IKZF2: variants seen among roughly 807,000 people sequenced by gnomAD.
The protein encoded by IKZF2 is zinc finger protein Helios.
A neutral mutation model predicts 49.2 loss-of-function variants in IKZF2; 15 were observed. The ratio of observed to expected loss-of-function variants is 0.30; its 90% confidence interval spans 0.20 to 0.47. The LOEUF (loss-of-function observed/expected upper bound fraction) is 0.47, where lower values mean the gene tolerates loss of function less well. Among genes scored for constraint, IKZF2 ranks in the 20% least tolerant of loss-of-function variants. The pLI, the probability that IKZF2 is intolerant of heterozygous loss-of-function variation, is 1.00. For synonymous variants in IKZF2, 227 were observed against 221.4 expected (o/e 1.03, Z -0.23); for missense variants, 567 against 664.6 (o/e 0.85, Z 1.61).
intron 4 of IKZF2, among the ~76,000 whole-genome samples, chr2:213,099,907 T>C (rs1273417002): frequency 4.6e-5 from 7 of 152,146 alleles, no homozygotes. Flanking sequence ...ACTAGGTATA[T>C]GAGTAAAGGC....
chr2:213,143,170 G>T (rs181397042), intron 4 of IKZF2, among the ~76,000 whole-genome samples: 1 of 151,844 alleles, frequency 6.6e-6, no homozygotes, highest in Non-Finnish European at 1.5e-5. Context: ...AGAAGAGCAC[G>T]GAACCCAGAG....
chr2:213,090,238 G>C (rs1027649258), intron 4 of IKZF2, among the ~76,000 whole-genome samples: 19 of 152,146 alleles, frequency 1.2e-4, no homozygotes, highest in African/African-American at 4.6e-4. Flanking sequence ...TGGTGAAGAA[G>C]GTGAATTTAT....
At chr2:213,067,503 C>T (rs1228768609) in intron 4 of IKZF2, among the ~76,000 whole-genome samples, 4 of 151,974 alleles carry the variant, frequency 2.6e-5, no homozygotes, top group African/African-American at 9.7e-5. Flanking sequence ...GGATAATATA[C>T]AATAGAACAT....
At chr2:213,140,843 C>G (rs1297253705) in intron 4 of IKZF2, among the ~76,000 whole-genome samples, 1 of 151,928 alleles carries the variant, frequency 6.6e-6, no homozygotes, top group East Asian at 1.9e-4. Context: ...ATTACTTAGA[C>G]ATGAATGTTT....
At chr2:213,070,288 G>T (rs755141761) in intron 4 of IKZF2, among the ~76,000 whole-genome samples, 1 of 152,124 alleles carries the variant, frequency 6.6e-6, no homozygotes, top group African/African-American at 2.4e-5. Context: ...ATTATTAAGA[G>T]ATCAAGTTAA....
At chr2:213,072,292 C>CT (rs771849497) in intron 4 of IKZF2, among the ~76,000 whole-genome samples, 2,269 of 122,686 alleles carry the variant, frequency 0.018, 33 homozygotes, top group South Asian at 0.062. Flanking sequence ...GATTCCTTTC[C>CT]TTTGTTTTTT....
In IKZF2 at chr2:213,005,469, T is replaced by C. The variant is rs1426415345; in HGVS notation, c.*1891A>G. On this transcript the variant is annotated 3_prime_UTR_variant, in exon 9 of 9. Coordinates refer to ENST00000434687, the MANE Select transcript of IKZF2 (RefSeq NM_001387220.1). ...GCTTAGCTGGTGCCTACCATTTAAA[T>C]AGCAAATAGTAAGCTGGAAAATGAG... 1 of 151,988 alleles carries C rather than the reference T, an allele frequency of 6.6e-6. No individual in the cohort carries two copies. The highest frequency in any genetic ancestry group is 6.6e-5 in the Admixed American group (1 of 15,210). The allele number at this position is 151,988 out of a possible 1,614,324, so 9.4% of individuals were successfully genotyped here.
At chr2:213,099,753 T>A (rs879852445) in intron 4 of IKZF2, among the ~76,000 whole-genome samples, 11 of 152,132 alleles carry the variant, frequency 7.2e-5, no homozygotes, top group South Asian at 2.1e-4. Context: ...TCAGTGACCA[T>A]CAGCACATTT....
rs915807026 is a variant in IKZF2, at chr2:213,146,764, G to C, written c.139+944C>G. ...TTTCTTAGTTATTAAATCTTCGGGG[G>C]GGGGGAAGGAAAGAGAATGCCTTTC... is the stretch of plus-strand genomic sequence containing the variant. On this transcript the variant is annotated intron_variant, in intron 4 of 8. Transcript: ENST00000434687. Among the ~76,000 whole-genome samples, 9 of 125,596 alleles carry C rather than the reference G, an allele frequency of 7.2e-5. 1 individual carries two copies. Among genetic ancestry groups the C allele is most frequent in the African/African-American group, 2.5e-4 (9 of 36,154 alleles). The allele number at this position is 125,596 out of a possible 152,430, so 82.4% of individuals were successfully genotyped here. A position where few individuals can be genotyped will look rare whatever the true frequency, so the allele number is the denominator to read the frequency against.
At position 213,004,495 on chromosome 2, in the gene IKZF2, A is replaced by G. The variant is rs1411390235; in HGVS notation, c.*2865T>C. 1 of 151,868 alleles carries G rather than the reference A, an allele frequency of 6.6e-6. No homozygotes were observed. Among genetic ancestry groups the G allele is most frequent in the Non-Finnish European group, 1.5e-5 (1 of 67,908 alleles). The allele number at this position is 151,868 out of a possible 1,614,324, so 9.4% of individuals were successfully genotyped here. ...GAACTTTTGCCAAACTGGAAAATAC[A>G]GAAGATAACCCATTTTCATGCTCCT... On this transcript the variant is annotated 3_prime_UTR_variant, in exon 9 of 9. Coordinates refer to ENST00000434687, the MANE Select transcript of IKZF2 (RefSeq NM_001387220.1).
intron 4 of IKZF2, among the ~76,000 whole-genome samples, chr2:213,130,030 T>C (rs1226046137): frequency 6.6e-6 from 1 of 152,056 alleles, no homozygotes; most frequent in African/African-American, 2.4e-5. Context: ...TGAAGGTGAG[T>C]ACCAGATGTT....
chr2:213,000,403 T>A lies in IKZF2; in HGVS notation c.*6957A>T, dbSNP rs1378512570. 1 of 151,492 alleles carries A rather than the reference T, an allele frequency of 6.6e-6. No homozygotes were observed. Among genetic ancestry groups the A allele is most frequent in the African/African-American group, 2.4e-5 (1 of 41,300 alleles). 9.4% of individuals were successfully genotyped at this position (151,492 alleles called of 1,614,324 possible). The stretch of plus-strand genomic sequence containing the variant: ...AAATACCCTAGAAACTGTCAAGCAA[T>A]TAGTCTTTAAAATAGTCTAATTACC... On this transcript the variant is annotated 3_prime_UTR_variant, in exon 9 of 9. Coordinates refer to ENST00000434687, the MANE Select transcript of IKZF2 (RefSeq NM_001387220.1).
chr2:213,033,701 T>C (rs1698720924), intron 6 of IKZF2, among the ~76,000 whole-genome samples: 1 of 152,228 alleles, frequency 6.6e-6, no homozygotes, highest in Non-Finnish European at 1.5e-5. Flanking sequence ...ACAAATGTGC[T>C]GTCACCCAGA....
At chr2:213,071,715 T>C (rs1344006298) in intron 4 of IKZF2, among the ~76,000 whole-genome samples, 1 of 152,154 alleles carries the variant, frequency 6.6e-6, no homozygotes, top group Non-Finnish European at 1.5e-5. Flanking sequence ...ACTAAGGACT[T>C]GTAGCCCTAC....
chr2:213,045,681 G>C (rs1320768613), intron 6 of IKZF2, among the ~76,000 whole-genome samples: 1 of 152,110 alleles, frequency 6.6e-6, no homozygotes, highest in African/African-American at 2.4e-5. Flanking sequence ...TTTCAGCATT[G>C]GTAAAATTTT....
chr2:213,048,024 T>C (rs1190112857), intron 6 of IKZF2, among the ~76,000 whole-genome samples: 2 of 152,114 alleles, frequency 1.3e-5, no homozygotes, highest in East Asian at 3.9e-4. Context: ...AACTCTGTTT[T>C]ATGTTCTATC....
intron 4 of IKZF2, among the ~76,000 whole-genome samples, chr2:213,080,839 GA>G (rs369770048): frequency 4.7e-5 from 7 of 150,480 alleles, no homozygotes; most frequent in Admixed American, 2.7e-4. Context: ...CATATGGAAG[GA>G]AAAAAAAAGC....
intron 4 of IKZF2, among the ~76,000 whole-genome samples, chr2:213,085,781 C>T (rs139743396): frequency 1.3e-5 from 2 of 152,326 alleles, no homozygotes; most frequent in African/African-American, 4.8e-5. Context: ...TGCTGTATAA[C>T]CTCTTTATGT....
intron 6 of IKZF2, among the ~76,000 whole-genome samples, chr2:213,027,442 CT>C (rs1559178368): frequency 6.6e-6 from 1 of 152,012 alleles, no homozygotes; most frequent in Non-Finnish European, 1.5e-5. Context: ...CCACTTACCC[CT>C]TCCTCTGAGG....
Sources: gnomAD v4.1 joint callset for allele counts (sites outside exome capture counted in the v4.1 genomes callset) on GRCh38, gnomAD v4.1.1 for gene constraint, MANE v1.5 for transcripts, NCBI Gene and HGNC (gene_info 2026-07-23, HGNC 2026-07-21) for gene names.